Variants in MACROD2 observed in about 807,000 individuals in gnomAD.
MACROD2 encodes ADP-ribose glycohydrolase MACROD2.
A neutral mutation model predicts 70.4 loss-of-function variants in MACROD2; 36 were observed. That is an observed-to-expected ratio of 0.51 (90% CI 0.39 to 0.68). The LOEUF (loss-of-function observed/expected upper bound fraction) is 0.68, where lower values mean the gene tolerates loss of function less well. Ranked by LOEUF, MACROD2 falls within the 30% of genes least tolerant of loss-of-function variation. The pLI is 0.00. For missense variants in MACROD2, 496 were observed against 538.4 expected (o/e 0.92, Z 0.78); for synonymous variants, 172 against 178.8 (o/e 0.96, Z 0.30).
chr20:14,417,514 T>C (rs2083822768), intron 3 of MACROD2, among the ~76,000 whole-genome samples: 1 of 152,216 alleles, frequency 6.6e-6, no homozygotes, highest in East Asian at 1.9e-4. Flanking sequence ...CCTAATATTA[T>C]TTCTTTATAT....
intron 3 of MACROD2, among the ~76,000 whole-genome samples, chr20:14,484,370 G>A (rs1336770531): frequency 6.6e-6 from 1 of 152,014 alleles, no homozygotes; most frequent in Non-Finnish European, 1.5e-5. Context: ...CAGGCATGCA[G>A]TGTGTAATAA....
chr20:14,113,015 G>T (rs184692570), intron 3 of MACROD2, among the ~76,000 whole-genome samples: 7 of 151,878 alleles, frequency 4.6e-5, no homozygotes, highest in Admixed American at 3.3e-4. Flanking sequence ...CTTATTTGTA[G>T]CCCAAATTTG....
intron 4 of MACROD2, among the ~76,000 whole-genome samples, chr20:14,645,301 T>C (rs183315274): frequency 6.6e-6 from 1 of 152,156 alleles, no homozygotes; most frequent in Non-Finnish European, 1.5e-5. Flanking sequence ...TCATTGTAGT[T>C]GAATGAATGA....
intron 11 of MACROD2, among the ~76,000 whole-genome samples, chr20:15,934,309 G>C (rs2065624595): frequency 6.6e-6 from 1 of 152,134 alleles, no homozygotes; most frequent in Non-Finnish European, 1.5e-5. Context: ...GATTTTGCTA[G>C]GGATCTGGAA....
intron 5 of MACROD2, among the ~76,000 whole-genome samples, chr20:15,190,453 C>T (rs546704342): frequency 2.0e-5 from 3 of 152,274 alleles, no homozygotes; most frequent in East Asian, 3.9e-4. Context: ...AATTACCTCT[C>T]GAGCATCATT....
intron 6 of MACROD2, among the ~76,000 whole-genome samples, chr20:15,336,709 G>A (rs1200821929): frequency 6.6e-6 from 1 of 151,718 alleles, no homozygotes; most frequent in Non-Finnish European, 1.5e-5. Flanking sequence ...GGCCTGCGGG[G>A]ACAGTTGTCA....
At chr20:15,697,508 T>C (rs1023261645) in intron 8 of MACROD2, among the ~76,000 whole-genome samples, 1 of 152,198 alleles carries the variant, frequency 6.6e-6, no homozygotes, top group African/African-American at 2.4e-5. Flanking sequence ...CCATGCACTG[T>C]TGAATACAAT....
intron 3 of MACROD2, among the ~76,000 whole-genome samples, chr20:14,119,746 T>C (rs1380989328): frequency 2.6e-5 from 4 of 152,218 alleles, no homozygotes; most frequent in Non-Finnish European, 4.4e-5. Flanking sequence ...AATGTACTTA[T>C]ATTTGTTGCC....
At chr20:14,684,661 G>A (rs893217029) in intron 4 of MACROD2, among the ~76,000 whole-genome samples, 182 bp from the exon 5 acceptor site, 70 of 76,372 alleles carry the variant, frequency 9.2e-4, no homozygotes, top group African/African-American at 2.6e-3. Flanking sequence ...CCCCCCCCCC[G>A]GCCCCCGCCA....
chr20:14,837,332 A>G (rs1398615501), intron 5 of MACROD2, among the ~76,000 whole-genome samples: 2 of 152,084 alleles, frequency 1.3e-5, no homozygotes, highest in Non-Finnish European at 1.5e-5. Context: ...TTAAAAAAAA[A>G]TCTTGTTGCA....
chr20:14,710,650 A>G (rs2071327667), intron 5 of MACROD2, among the ~76,000 whole-genome samples: 1 of 152,148 alleles, frequency 6.6e-6, no homozygotes, highest in Admixed American at 6.5e-5. Context: ...CAGAAATGCA[A>G]GGTTTATTTA....
intron 8 of MACROD2, among the ~76,000 whole-genome samples, chr20:15,668,718 C>T (rs1037014683): frequency 1.8e-4 from 28 of 152,142 alleles, no homozygotes; most frequent in African/African-American, 6.5e-4. Context: ...CATTTTCTCC[C>T]TCGTTTTCAA....
intron 10 of MACROD2, among the ~76,000 whole-genome samples, chr20:15,915,487 A>G (rs937542548): frequency 1.5e-4 from 23 of 152,222 alleles, no homozygotes; most frequent in African/African-American, 5.1e-4. Context: ...GAAGTTCTCA[A>G]TAAATGGAAA....
intron 3 of MACROD2, among the ~76,000 whole-genome samples, chr20:14,268,020 C>G (rs1247421381): frequency 6.6e-6 from 1 of 152,052 alleles, no homozygotes; most frequent in African/African-American, 2.4e-5. Flanking sequence ...ATTAACATTT[C>G]TTATTATAAA....
Position 15,862,703 on chromosome 20 carries a change from C to G in MACROD2, c.646-42C>G, listed in dbSNP as rs560773336. On this transcript the variant is annotated intron_variant, in intron 8 of 17. Transcript: ENST00000684519. ...GGCTATGTCCTGGCAGGGCAATTGC[C>G]ATATTTTTTTTCACTTTGAGTGTTT... The G allele has an allele frequency of 3.9e-6, 6 of 1,521,680 alleles. No individual in the cohort carries two copies. The African/African-American group carries it at 5.6e-5, about 14-fold the overall frequency. 94.3% of individuals were successfully genotyped at this position (1,521,680 alleles called of 1,614,324 possible).
rs556046839 is a variant in MACROD2, at chr20:15,475,476, C to A, written c.572-24298C>A. On this transcript the variant is annotated intron_variant, in intron 7 of 17. Coordinates refer to ENST00000684519, the MANE Select transcript of MACROD2 (RefSeq NM_001351661.2). Reference sequence around the variant, plus strand: ...TTCCTTGGCAACTGCATGAGAGTATCCAGGAAAATCACATTCAGATGGGAG... The same window carrying A: ...TTCCTTGGCAACTGCATGAGAGTATACAGGAAAATCACATTCAGATGGGAG... Among the ~76,000 whole-genome samples the A allele has an allele frequency of 9.2e-5, 14 of 152,306 alleles. 1 individual carries two copies. The South Asian group carries it at 1.7e-3, about 18-fold the overall frequency.
chr20:14,014,646 A>AT (rs996966067), intron 2 of MACROD2, among the ~76,000 whole-genome samples: 7 of 150,654 alleles, frequency 4.6e-5, no homozygotes, highest in African/African-American at 1.5e-4. Flanking sequence ...TTCACTTGCC[A>AT]TTTTTTCCTC....
chr20:15,723,162 G>A (rs922517701), intron 8 of MACROD2, among the ~76,000 whole-genome samples: 2 of 152,076 alleles, frequency 1.3e-5, no homozygotes, highest in African/African-American at 4.8e-5. Context: ...TCACAGCAAA[G>A]GTGAGAGGAA....
At chr20:15,065,922 T>A (rs912293237) in intron 5 of MACROD2, among the ~76,000 whole-genome samples, 1 of 152,094 alleles carries the variant, frequency 6.6e-6, no homozygotes, top group African/African-American at 2.4e-5. Context: ...TCAGTAAACA[T>A]TATTTTTCAT....
Sources: allele counts gnomAD v4.1 joint callset (sites outside exome capture counted in the v4.1 genomes callset), GRCh38; gene constraint gnomAD v4.1.1; transcripts MANE v1.5; gene names NCBI Gene and HGNC (gene_info 2026-07-23, HGNC 2026-07-21).